The following ERCC4 variants were observed in gnomAD, a reference collection of about 807,000 sequenced individuals.
The protein encoded by ERCC4 is DNA repair endonuclease XPF.
In ERCC4, 65 loss-of-function variants were observed where a neutral mutation model predicts 76.9. That is an observed-to-expected ratio of 0.84 (90% CI 0.69 to 1.04). The LOEUF is 1.04. Among genes scored for constraint, ERCC4 ranks in the 50% least tolerant of loss-of-function variants. The probability of loss-of-function intolerance (pLI) is 0.00; values close to 1 mark genes in which losing one functional copy is unlikely to be tolerated. For synonymous variants in ERCC4, 463 were observed against 410.1 expected (o/e 1.13, Z -1.56); for missense variants, 1,214 against 1,128.2 (o/e 1.08, Z -1.09).
Position 13,949,541 on chromosome 16 carries a change from T to G in ERCC4, c.*1194T>G, listed in dbSNP as rs1410399986. On this transcript the variant is annotated 3_prime_UTR_variant, in exon 11 of 11. Transcript: ENST00000311895. Reference sequence around the variant, plus strand: ...GCCAATGAGTGGCCCACTAAGCTTTTAAGATTTGATTTTCCTGCCTTGAGA... The same window carrying G: ...GCCAATGAGTGGCCCACTAAGCTTTGAAGATTTGATTTTCCTGCCTTGAGA... 4.3e-6 allele frequency: 1 copy of G among 232,966 alleles called. No homozygotes were observed. Among genetic ancestry groups the G allele is most frequent in the Non-Finnish European group, 8.5e-6 (1 of 117,936 alleles). 14.4% of individuals were successfully genotyped at this position (232,966 alleles called of 1,614,324 possible).
intron 3 of ERCC4, chr16:13,927,578 A>AAG: frequency 6.2e-6 from 1 of 162,572 alleles, no homozygotes; most frequent in African/African-American, 2.4e-5. Context: ...AAAAAAAAAA[A>AAG]GAGTAGTTAT....
chr16:13,940,605 A>G (rs1055292948), intron 9 of ERCC4, among the ~76,000 whole-genome samples: 4 of 152,198 alleles, frequency 2.6e-5, no homozygotes, highest in African/African-American at 7.2e-5. Flanking sequence ...TACTGAGCTG[A>G]GTCACATAGA....
intron 9 of ERCC4, among the ~76,000 whole-genome samples, chr16:13,938,163 T>C (rs1243320475): frequency 3.3e-5 from 5 of 152,152 alleles, no homozygotes; most frequent in Admixed American, 1.3e-4. Context: ...ACGAGAAATA[T>C]AGCTAAAATA....
intron 4 of ERCC4, among the ~76,000 whole-genome samples, chr16:13,928,738 A>G (rs910941947): frequency 3.9e-5 from 6 of 152,170 alleles, no homozygotes; most frequent in African/African-American, 2.4e-5. Flanking sequence ...ATTTTTTATT[A>G]TAGATTAATA....
Position 13,932,872 on chromosome 16 carries a change from C to A in ERCC4, c.1102+587C>A, listed in dbSNP as rs2032208282. ...CCAGCCTGGCCAATATGGTGAAACC[C>A]CGTCTCTATTAAAAATACCAAAAAT... On this transcript the variant is annotated intron_variant, in intron 6 of 10. Coordinates refer to ENST00000311895, the MANE Select transcript of ERCC4 (RefSeq NM_005236.3). 4.4e-5 allele frequency: 9 copies of A among 206,590 alleles called. 1 individual carries two copies. In the South Asian group the frequency reaches 5.2e-4, roughly 12 times the overall value. 12.8% of individuals were successfully genotyped at this position (206,590 alleles called of 1,614,324 possible).
At chr16:13,939,699 T>C (rs1047622907) in intron 9 of ERCC4, among the ~76,000 whole-genome samples, 23 of 152,154 alleles carry the variant, frequency 1.5e-4, no homozygotes, top group African/African-American at 4.8e-4. Flanking sequence ...TTCTCTGGCA[T>C]CAAGCTGAGG....
intron 1 of ERCC4, among the ~76,000 whole-genome samples, chr16:13,921,434 T>A (rs1488573493): frequency 6.6e-6 from 1 of 152,138 alleles, no homozygotes; most frequent in Non-Finnish European, 1.5e-5. Context: ...AAATGTCAGC[T>A]GAGAAGAGTG....
At chr16:13,937,671 A>G in intron 8 of ERCC4, 95 bp from the exon 9 acceptor site, 5 of 783,488 alleles carry the variant, frequency 6.4e-6, no homozygotes, top group African/African-American at 1.7e-5. Flanking sequence ...TTGTTATTTG[A>G]GCGCTCTAGG....
intron 9 of ERCC4, among the ~76,000 whole-genome samples, chr16:13,938,522 A>G (rs1016319276): frequency 6.6e-6 from 1 of 152,198 alleles, no homozygotes; most frequent in Non-Finnish European, 1.5e-5. Context: ...TACCAGGGAT[A>G]TTGTCAAGAA....
At position 13,950,493 on chromosome 16, in the gene ERCC4, C is replaced by A. The variant is rs910202253; in HGVS notation, c.*2146C>A. 1 of 192,852 alleles carries A rather than the reference C, an allele frequency of 5.2e-6. No individual in the cohort carries two copies. The highest frequency in any genetic ancestry group is 2.3e-5 in the African/African-American group (1 of 43,102). 11.9% of individuals were successfully genotyped at this position (192,852 alleles called of 1,614,324 possible). A position where few individuals can be genotyped will look rare whatever the true frequency, so the allele number is the denominator to read the frequency against. ...GTTTAAGATGGAATAAAGATTTGGG[C>A]TGCTAATTTTTTCCCAGGATTCAAA... On this transcript the variant is annotated 3_prime_UTR_variant, in exon 11 of 11. Transcript: ENST00000311895.
At position 13,947,844 on chromosome 16, in the gene ERCC4, C is replaced by T. The variant is rs374978891; in HGVS notation, c.2248C>T (p.Arg750Cys). ...CTACAGCCAGTGCATCTCCATGTCC[C>T]GCTACTACAAGCGTCCCGTGCTTCT... ...RLYSQCISMS[R>C]YYKRPVLLIE... Residue 750 changes from arginine (R) to cysteine (C), a missense_variant, in exon 11 of 11, where the codon CGC becomes TGC. Coordinates refer to ENST00000311895, the MANE Select transcript of ERCC4 (RefSeq NM_005236.3). 5.6e-5 allele frequency: 90 copies of T among 1,614,074 alleles called. No homozygotes were observed. The highest frequency in any genetic ancestry group is 1.2e-4 in the Admixed American group (7 of 60,008).
chr16:13,929,889 G>C (rs371569793), intron 4 of ERCC4, among the ~76,000 whole-genome samples: 2 of 152,102 alleles, frequency 1.3e-5, no homozygotes, highest in East Asian at 3.9e-4. Flanking sequence ...GCACGAACCT[G>C]GGAGGCGGAG....
At chr16:13,947,498 A>G in intron 10 of ERCC4, 116 bp from the exon 11 acceptor site, 2 of 1,074,456 alleles carry the variant, frequency 1.9e-6, no homozygotes, top group Non-Finnish European at 2.9e-6. Flanking sequence ...ATATTACCAT[A>G]TAGAATTATG....
chr16:13,922,635 G>T (rs757871177), intron 2 of ERCC4: 1 of 552,458 alleles, frequency 1.8e-6, no homozygotes, highest in Non-Finnish European at 3.3e-6. Flanking sequence ...GCACATGGCC[G>T]CAGCCCTTTT....
Position 13,932,226 on chromosome 16 carries a change from A to G in ERCC4, c.1043A>G (p.Asp348Gly), listed in dbSNP as rs2032186392. 1 of 1,612,338 alleles carries G rather than the reference A, an allele frequency of 6.2e-7. No homozygotes were observed. Among genetic ancestry groups the G allele is most frequent in the South Asian group, 1.1e-5 (1 of 90,916 alleles). ...NARARVYHLPDAKMSKKEKIS... is the reference protein window; with the variant it reads ...NARARVYHLPGAKMSKKEKIS... ...CGAGCAAGGGTTTATCATCTTCCAG[A>G]TGCCAAAATGAGTAAAAAAGAAAAA... The change falls in exon 6 of 11, where the codon GAT (aspartate) becomes GGT (glycine). Residue 348 changes from aspartate to glycine, a missense_variant. Physicochemically the swap from Asp to Gly is moderately conservative, Grantham distance 94. Coordinates refer to ENST00000311895, the MANE Select transcript of ERCC4 (RefSeq NM_005236.3).
chr16:13,940,649 C>G (rs773575733), intron 9 of ERCC4, among the ~76,000 whole-genome samples: 7 of 152,212 alleles, frequency 4.6e-5, no homozygotes, highest in Non-Finnish European at 7.3e-5. Flanking sequence ...TACAGCTCCT[C>G]AGACTCCAGC....
intron 9 of ERCC4, among the ~76,000 whole-genome samples, chr16:13,938,455 C>G (rs1405421583): frequency 6.6e-6 from 1 of 152,176 alleles, no homozygotes; most frequent in African/African-American, 2.4e-5. Context: ...GTGAGATGTT[C>G]ACAAACTGGT....
In ERCC4 at chr16:13,926,556, C is replaced by G; in HGVS notation, c.389-5C>G. On this transcript the variant is annotated splice_region_variant and splice_polypyrimidine_tract_variant and intron_variant, in intron 2 of 10. Transcript: ENST00000311895. The stretch of plus-strand genomic sequence containing the variant: ...TGTAGTTTAAATTATGTTTCTCCCC[C>G]TCAGGCATCTTGGTGTATAGAGCCC... 1.2e-6 allele frequency: 2 copies of G among 1,612,920 alleles called. No homozygotes were observed. The highest frequency in any genetic ancestry group is 1.7e-6 in the Non-Finnish European group (2 of 1,178,902).
chr16:13,921,485 C>G (rs3136053), intron 1 of ERCC4, among the ~76,000 whole-genome samples: 4,970 of 152,210 alleles, frequency 0.033, 262 homozygotes, highest in African/African-American at 0.11. Flanking sequence ...TTTGATTCAT[C>G]TAGGTATCCC....
Sources: allele counts gnomAD v4.1 joint callset (sites outside exome capture counted in the v4.1 genomes callset), GRCh38; gene constraint gnomAD v4.1.1; transcripts MANE v1.5; gene names NCBI Gene and HGNC (gene_info 2026-07-23, HGNC 2026-07-21).